AKAP7: variants seen among roughly 807,000 people sequenced by gnomAD.
The protein encoded by AKAP7 is A-kinase anchoring protein 7, also known as A kinase (PRKA) anchor protein 7.
A neutral mutation model predicts 39.5 loss-of-function variants in AKAP7; 39 were observed. The ratio of observed to expected loss-of-function variants is 0.99; its 90% confidence interval spans 0.76 to 1.29. AKAP7 has a LOEUF of 1.29. Among genes scored for constraint, AKAP7 ranks in the 50% most tolerant of loss-of-function variants. AKAP7 has a pLI of 0.00. For synonymous variants in AKAP7, 140 were observed against 139.1 expected (o/e 1.01, Z -0.05); for missense variants, 414 against 407.7 (o/e 1.02, Z -0.13).
At chr6:131,223,107 C>T (rs1809849222) in intron 7 of AKAP7, among the ~76,000 whole-genome samples, 1 of 152,132 alleles carries the variant, frequency 6.6e-6, no homozygotes, top group Non-Finnish European at 1.5e-5. Context: ...TATAATATTG[C>T]ACATTTAATA....
intron 2 of AKAP7, among the ~76,000 whole-genome samples, chr6:131,159,614 G>A (rs1445648349): frequency 2.0e-5 from 3 of 152,184 alleles, no homozygotes; most frequent in Non-Finnish European, 4.4e-5. Context: ...AGTGGCCCCA[G>A]ACCAAAACTT....
At chr6:131,146,733 T>G (rs913221031) in intron 2 of AKAP7, among the ~76,000 whole-genome samples, 10 of 152,230 alleles carry the variant, frequency 6.6e-5, no homozygotes, top group Non-Finnish European at 1.2e-4. Flanking sequence ...TGCTTTAGTC[T>G]CTTCATTTTG....
intron 7 of AKAP7, among the ~76,000 whole-genome samples, chr6:131,227,300 A>G (rs1810250855): frequency 6.6e-6 from 1 of 152,194 alleles, no homozygotes; most frequent in Non-Finnish European, 1.5e-5. Flanking sequence ...AGGCATTAAT[A>G]GTGATAGATG....
rs115356750 is a variant in AKAP7, at chr6:131,224,464, A to G, written c.850+4656A>G. The stretch of plus-strand genomic sequence containing the variant: ...ATATTATTCAGAGTTCTAGGATAGA[A>G]ATTGGGCCTCAGGGACACTGAGAAC... On this transcript the variant is annotated intron_variant, in intron 7 of 7. Transcript: ENST00000431975. Among the ~76,000 whole-genome samples the G allele has an allele frequency of 7.4e-3, 1,121 of 152,264 alleles. 11 individuals are homozygous for G. Among genetic ancestry groups the G allele is most frequent in the African/African-American group, 0.026 (1,079 of 41,548 alleles).
At position 131,281,665 on chromosome 6, in the gene AKAP7, G is replaced by T; in HGVS notation, c.986G>T (p.Ser329Ile). Residue 329 changes from serine to isoleucine, a missense_variant, in exon 8 of 8, where the codon AGC becomes ATC. Transcript: ENST00000431975. This position sits in a 1 kb window ranked among gnomAD's most constrained non-coding sequence, Gnocchi z 4.0. ...AATAAAAACAAGCCGGGGGAGGGGA[G>T]CTCTGTGAAAACCGAAGCAGCTGAT... ...TQNKNKPGEG[S>I]SVKTEAADQN... 1 of 1,613,176 alleles carries T rather than the reference G, an allele frequency of 6.2e-7. No homozygotes were observed. The highest frequency in any genetic ancestry group is 8.5e-7 in the Non-Finnish European group (1 of 1,179,620).
In AKAP7 at chr6:131,191,332, T is replaced by G. The variant is rs926225165; in HGVS notation, c.590-8129T>G. On this transcript the variant is annotated intron_variant, in intron 5 of 7. Coordinates refer to ENST00000431975, the MANE Select transcript of AKAP7 (RefSeq NM_016377.4). ...CAAAATAGAGAGGGTCAAAGTTGGG[T>G]TATGACAGGGTAGTTGAGAAAAGAG... 2.0e-5 allele frequency among the ~76,000 whole-genome samples: 3 copies of G among 152,194 alleles called. No homozygotes were observed. In the South Asian group the frequency reaches 6.2e-4, roughly 32 times the overall value.
At chr6:131,154,210 G>GA (rs946771361) in intron 2 of AKAP7, among the ~76,000 whole-genome samples, 6 of 148,952 alleles carry the variant, frequency 4.0e-5, no homozygotes, top group African/African-American at 9.8e-5. Flanking sequence ...CTCTGCCTCA[G>GA]AAAAAAAAAA....
At chr6:131,274,664 A>G (rs1814591960) in intron 7 of AKAP7, among the ~76,000 whole-genome samples, 1 of 152,044 alleles carries the variant, frequency 6.6e-6, no homozygotes, top group Non-Finnish European at 1.5e-5. Flanking sequence ...GTCCCTCTTC[A>G]GTCCACAGCA....
rs561649680 is a variant in AKAP7, at chr6:131,153,094, C to G, written c.152-6965C>G. Among the ~76,000 whole-genome samples, 295 of 148,992 alleles carry G rather than the reference C, an allele frequency of 2.0e-3. 1 individual carries two copies. The highest frequency in any genetic ancestry group is 2.9e-3 in the Non-Finnish European group (194 of 67,584). On this transcript the variant is annotated intron_variant, in intron 2 of 7. Transcript: ENST00000431975. The stretch of plus-strand genomic sequence containing the variant: ...GCAGTGAGCCGAGATTGCGCCAGTG[C>G]ACTCCAGCCTGGACGACAGAGCAAG...
intron 6 of AKAP7, among the ~76,000 whole-genome samples, chr6:131,205,135 T>C (rs1807968852): frequency 6.6e-6 from 1 of 152,178 alleles, no homozygotes; most frequent in Non-Finnish European, 1.5e-5. Context: ...AGCCGGTCCA[T>C]TCATTATTGT....
chr6:131,221,651 T>C (rs1270930427), intron 7 of AKAP7, among the ~76,000 whole-genome samples: 3 of 152,198 alleles, frequency 2.0e-5, no homozygotes, highest in Non-Finnish European at 4.4e-5. Flanking sequence ...ACTTTTAAGT[T>C]GAAGCCAGTG....
At chr6:131,213,255 G>A (rs566319845) in intron 6 of AKAP7, among the ~76,000 whole-genome samples, 158 of 152,254 alleles carry the variant, frequency 1.0e-3, no homozygotes, top group African/African-American at 3.3e-3. Context: ...CAGTGTTGAC[G>A]TTTTTTATAC....
intron 5 of AKAP7, among the ~76,000 whole-genome samples, chr6:131,174,295 T>C (rs1804360031): frequency 6.6e-6 from 1 of 152,246 alleles, no homozygotes; most frequent in African/African-American, 2.4e-5. Flanking sequence ...AAGCAACATG[T>C]ATTTATTAAT....
intron 7 of AKAP7, among the ~76,000 whole-genome samples, chr6:131,262,522 G>A (rs769929504): frequency 5.3e-5 from 8 of 151,852 alleles, no homozygotes; most frequent in Non-Finnish European, 1.2e-4. Flanking sequence ...AACAATAACC[G>A]TATTTTAAAA....
chr6:131,244,755 G>A (rs185886728), intron 7 of AKAP7, among the ~76,000 whole-genome samples: 1 of 152,204 alleles, frequency 6.6e-6, no homozygotes. Context: ...GTAGCTCTTG[G>A]TATCTACTTG....
chr6:131,250,127 T>C (rs2128318731), intron 7 of AKAP7: 3 of 967,210 alleles, frequency 3.1e-6, no homozygotes, highest in South Asian at 4.8e-5. Flanking sequence ...ACAGAAAATA[T>C]GGTTTTTTTG....
intron 7 of AKAP7, among the ~76,000 whole-genome samples, chr6:131,262,196 A>G (rs1192137168): frequency 6.6e-6 from 1 of 152,198 alleles, no homozygotes; most frequent in South Asian, 2.1e-4. Context: ...TTGTTGGGGC[A>G]ACACTGATGA....
At chr6:131,240,710 C>A (rs1036568451) in intron 7 of AKAP7, among the ~76,000 whole-genome samples, 2 of 152,210 alleles carry the variant, frequency 1.3e-5, no homozygotes, top group African/African-American at 4.8e-5. Context: ...CCGAGCCAGG[C>A]GCAGGATATA....
intron 7 of AKAP7, among the ~76,000 whole-genome samples, chr6:131,278,280 T>C (rs2128339351): frequency 6.6e-6 from 1 of 152,302 alleles, no homozygotes; most frequent in Admixed American, 6.5e-5. Context: ...CATTAATAAA[T>C]AATTCTCATA....
Sources: allele counts gnomAD v4.1 joint callset (sites outside exome capture counted in the v4.1 genomes callset), GRCh38; gene constraint gnomAD v4.1.1; non-coding constraint Gnocchi (gnomAD v3.1); transcripts MANE v1.5; gene names NCBI Gene and HGNC (gene_info 2026-07-23, HGNC 2026-07-21).